Variants in LIN28B observed in about 807,000 individuals in gnomAD.
LIN28B encodes lin-28 RNA binding posttranscriptional regulator B.
A neutral mutation model predicts 21.9 loss-of-function variants in LIN28B; 5 were observed. The ratio of observed to expected loss-of-function variants is 0.23; its 90% CI spans 0.12 to 0.48. The LOEUF (loss-of-function observed/expected upper bound fraction) is 0.48, where lower values mean the gene tolerates loss of function less well. LIN28B is among the 20% of genes least tolerant of loss of function. LIN28B has a pLI of 0.98. For synonymous variants in LIN28B, 109 were observed against 111.3 expected (o/e 0.98, Z 0.13); for missense variants, 245 against 310.5 (o/e 0.79, Z 1.58).
intron 1 of LIN28B, 52 bp downstream of exon 1, chr6:104,957,312 T>A: frequency 7.9e-7 from 1 of 1,258,336 alleles, no homozygotes; most frequent in South Asian, 1.3e-5. Flanking sequence ...TCTTTTCTCC[T>A]CCCCCTCCCC....
At chr6:105,047,694 T>G (rs1478593197) in intron 3 of LIN28B, among the ~76,000 whole-genome samples, 1 of 152,212 alleles carries the variant, frequency 6.6e-6, no homozygotes, top group Non-Finnish European at 1.5e-5. Context: ...TTTATTTCAC[T>G]GAGCAGTGGT....
chr6:104,941,483 G>A (rs1421973427), intron 2 of LIN28B: 1 of 149,964 alleles, frequency 6.7e-6, no homozygotes, highest in African/African-American at 2.4e-5. Flanking sequence ...CAGGCCACGC[G>A]GGGGCGCAGG....
intron 2 of LIN28B, among the ~76,000 whole-genome samples, chr6:105,010,468 T>C (rs773189342): frequency 1.1e-4 from 17 of 152,198 alleles, no homozygotes; most frequent in Admixed American, 2.6e-4. Flanking sequence ...ATAAAGTATC[T>C]GTATCAAAGA....
intron 3 of LIN28B, among the ~76,000 whole-genome samples, chr6:105,058,280 A>G (rs1288212248): frequency 6.6e-6 from 1 of 152,114 alleles, no homozygotes; most frequent in East Asian, 1.9e-4. Context: ...TCTTCCTCCC[A>G]CCACATAGTT....
intron 3 of LIN28B, among the ~76,000 whole-genome samples, chr6:105,046,837 C>G (rs1285190329): frequency 1.3e-5 from 2 of 152,036 alleles, no homozygotes; most frequent in African/African-American, 4.8e-5. Flanking sequence ...GTCTGTTGAT[C>G]TCCTTCGCCC....
At chr6:104,945,703 A>T (rs1175780815) in intron 2 of LIN28B, among the ~76,000 whole-genome samples, 2 of 152,078 alleles carry the variant, frequency 1.3e-5, no homozygotes, top group Non-Finnish European at 2.9e-5. Flanking sequence ...CGATTACATA[A>T]AGTTATTATT....
chr6:105,045,220 A>G (rs917663424), intron 3 of LIN28B, among the ~76,000 whole-genome samples: 3 of 150,542 alleles, frequency 2.0e-5, no homozygotes, highest in African/African-American at 4.9e-5. Flanking sequence ...CCACTCACTT[A>G]TATTTAATAA....
intron 3 of LIN28B, among the ~76,000 whole-genome samples, chr6:105,051,575 A>G (rs928049330): frequency 2.0e-5 from 3 of 151,990 alleles, no homozygotes; most frequent in Non-Finnish European, 4.4e-5. Context: ...CAATAGAAAG[A>G]CGTATACTCT....
At chr6:105,057,250 T>C (rs919932654) in intron 3 of LIN28B, among the ~76,000 whole-genome samples, 9 of 152,196 alleles carry the variant, frequency 5.9e-5, no homozygotes, top group Non-Finnish European at 1.2e-4. Context: ...CTATTCCCCA[T>C]CACCTATTAA....
intron 3 of LIN28B, among the ~76,000 whole-genome samples, chr6:105,072,852 G>C (rs1030230839): frequency 1.1e-4 from 16 of 152,314 alleles, no homozygotes; most frequent in Admixed American, 6.5e-4. Context: ...TACTAGTTCT[G>C]TGACTCATCA....
At chr6:105,055,518 G>A (rs528590734) in intron 3 of LIN28B, among the ~76,000 whole-genome samples, 9 of 152,216 alleles carry the variant, frequency 5.9e-5, no homozygotes, top group Admixed American at 2.6e-4. Context: ...GCCCTTCAAA[G>A]CACAGCAGCA....
At chr6:104,956,999 TG>T, upstream of LIN28B, 1 of 1,154,154 alleles carries the variant, frequency 8.7e-7, no homozygotes, top group Admixed American at 3.3e-5. Flanking sequence ...CTCTTCCTCT[TG>T]CCAGCCCCTT....
At chr6:105,073,935 A>C (rs1344745862) in intron 3 of LIN28B, among the ~76,000 whole-genome samples, 1 of 152,210 alleles carries the variant, frequency 6.6e-6, no homozygotes, top group Admixed American at 6.5e-5. Context: ...TTGGATCAAA[A>C]AATGCAAACA....
chr6:105,046,077 T>C (rs1218627595), intron 3 of LIN28B, among the ~76,000 whole-genome samples: 1 of 152,218 alleles, frequency 6.6e-6, no homozygotes, highest in Admixed American at 6.5e-5. Context: ...GCAGGTTTGT[T>C]ACATATGTAT....
intron 3 of LIN28B, among the ~76,000 whole-genome samples, chr6:104,951,948 A>T (rs1778225827): frequency 2.0e-5 from 3 of 152,280 alleles, no homozygotes; most frequent in South Asian, 4.1e-4. Flanking sequence ...GATTTGCTTC[A>T]GGCATCTTTA....
At chr6:104,951,372 T>C (rs1205771908) in intron 3 of LIN28B, among the ~76,000 whole-genome samples, 1 of 152,106 alleles carries the variant, frequency 6.6e-6, no homozygotes, top group Admixed American at 6.5e-5. Flanking sequence ...GAGGAAACCA[T>C]GATAGGATTT....
At chr6:105,068,574 G>A (rs570220081) in intron 3 of LIN28B, among the ~76,000 whole-genome samples, 1 of 152,306 alleles carries the variant, frequency 6.6e-6, no homozygotes, top group Admixed American at 6.5e-5. Context: ...ATCCCTGCTT[G>A]TTACGCTGAA....
At chr6:104,991,879 C>T (rs1044382488) in intron 2 of LIN28B, among the ~76,000 whole-genome samples, 9 of 152,238 alleles carry the variant, frequency 5.9e-5, no homozygotes, top group Non-Finnish European at 8.8e-5. Context: ...GGGGTGGCGG[C>T]GTGCGCCTGC....
intron 3 of LIN28B, among the ~76,000 whole-genome samples, chr6:105,037,512 T>TCCCCCCCCCC (rs1771543674): frequency 8.6e-6 from 1 of 115,680 alleles, no homozygotes; most frequent in African/African-American, 3.3e-5. Context: ...CCCGCTCCCT[T>TCCCCCCCCCC]CCCCTCTCTT....
Sources: allele counts gnomAD v4.1 joint callset (sites outside exome capture counted in the v4.1 genomes callset), GRCh38; gene constraint gnomAD v4.1.1; transcripts MANE v1.5; gene names NCBI Gene and HGNC (gene_info 2026-07-23, HGNC 2026-07-21).